CLTRN: variants seen among roughly 807,000 people sequenced by gnomAD.
CLTRN encodes the protein collectrin.
CLTRN carries 12 observed loss-of-function variants against 14.5 expected under a neutral mutation model. That is an observed-to-expected ratio of 0.83 (90% CI 0.53 to 1.34). The LOEUF (loss-of-function observed/expected upper bound fraction) is 1.34, where lower values mean the gene tolerates loss of function less well. Among genes scored for constraint, CLTRN ranks in the 40% most tolerant of loss-of-function variants. The pLI is 0.00. For missense variants in CLTRN, 154 were observed against 165.1 expected, an observed-to-expected ratio of 0.93 and a Z score of 0.37; for synonymous variants, 58 against 56.5, an observed-to-expected ratio of 1.03 and a Z score of -0.12.
chrX:15,646,801 C>T (rs745327779), intron 3 of CLTRN: 97 of 331,747 alleles, frequency 2.9e-4, no homozygotes, highest in South Asian at 2.5e-3. Flanking sequence ...GCCACCCCCC[C>T]ACCAGCCTGT....
intron 2 of CLTRN, among the ~76,000 whole-genome samples, chrX:15,659,344 C>T (rs999152056): frequency 1.8e-5 from 2 of 111,411 alleles, no homozygotes; most frequent in African/African-American, 6.6e-5. Context: ...TCCTAAGAAC[C>T]TGCAGCATCA....
rs1476520306 is a variant in CLTRN, at chrX:15,634,945, A to ATAAG, written c.512+4616_512+4617insCTTA. On this transcript the variant is annotated intron_variant, in intron 5 of 5. Coordinates refer to ENST00000380342, the MANE Select transcript of CLTRN (RefSeq NM_020665.6). ...ACTTAAATTATAATAATAATAAAAA[A>ATAAG]TAAATAAATAAATAAATAAATAAAA... Among the ~76,000 whole-genome samples the ATAAG allele has an allele frequency of 3.8e-5, 4 of 104,291 alleles. No homozygotes were observed. In the East Asian group the frequency reaches 1.2e-3, roughly 31 times the overall value. The allele number at this position is 104,291 out of a possible 115,157, so 90.6% of individuals were successfully genotyped here.
intron 3 of CLTRN, among the ~76,000 whole-genome samples, chrX:15,658,719 T>C (rs1480475286): frequency 1.9e-5 from 2 of 106,627 alleles, no homozygotes; most frequent in African/African-American, 6.9e-5. Flanking sequence ...ATTATATATA[T>C]ATATATATAT....
intron 3 of CLTRN, among the ~76,000 whole-genome samples, chrX:15,645,272 T>C (rs1251358856): frequency 2.7e-5 from 3 of 111,878 alleles, no homozygotes; most frequent in Non-Finnish European, 5.6e-5. Flanking sequence ...CAAAAAATAA[T>C]AATAGTCAGT....
At chrX:15,654,861 C>T (rs1038351893) in intron 3 of CLTRN, among the ~76,000 whole-genome samples, 1 of 112,116 alleles carries the variant, frequency 8.9e-6, no homozygotes, top group South Asian at 3.7e-4. Context: ...AATCCTGTGG[C>T]TCCAGCCACA....
chrX:15,645,736 G>A (rs999952425), intron 3 of CLTRN, among the ~76,000 whole-genome samples: 6 of 112,049 alleles, frequency 5.4e-5, no homozygotes, highest in Non-Finnish European at 1.1e-4. Context: ...AATGAAAATA[G>A]TGTTCAGAGA....
chrX:15,658,565 T>C (rs1422446597), intron 3 of CLTRN, among the ~76,000 whole-genome samples: 1 of 111,704 alleles, frequency 9.0e-6, no homozygotes, highest in Non-Finnish European at 1.9e-5. Context: ...AGACAAAAAA[T>C]ATAAAACTAT....
At chrX:15,639,404 AG>A (rs1395359266) in intron 5 of CLTRN, among the ~76,000 whole-genome samples, 157 bp downstream of exon 5, 1 of 112,378 alleles carries the variant, frequency 8.9e-6, no homozygotes, top group Non-Finnish European at 1.9e-5. Context: ...ATATATCTAA[AG>A]AAAAGAGCAT....
Position 15,639,627 on chromosome X carries a change from C to G in CLTRN, c.447G>C (p.Val149=). ...SVPIWIIIFG[V]IFCIIIVAIA... is the part of the protein sequence containing the mutation. ...TTGCAACTATGATGATGCAAAATAT[C>G]ACACCAAATATAATAATCCAGATGG... is the stretch of plus-strand genomic sequence containing the variant. Residue 149 remains valine (V), a synonymous_variant, in exon 5 of 6, where the codon GTG becomes GTC. Transcript: ENST00000380342. 2.5e-6 allele frequency: 3 copies of G among 1,210,391 alleles called. No individual in the cohort carries two copies. Among genetic ancestry groups the G allele is most frequent in the Non-Finnish European group, 3.4e-6 (3 of 894,680 alleles).
intron 5 of CLTRN, among the ~76,000 whole-genome samples, chrX:15,639,152 G>C (rs1928881815): frequency 8.9e-6 from 1 of 111,997 alleles, no homozygotes; most frequent in Admixed American, 9.5e-5. Flanking sequence ...ACTGGACTAA[G>C]AAGAGGTAAG....
At chrX:15,632,883 C>CAAA (rs758319942) in intron 5 of CLTRN, among the ~76,000 whole-genome samples, 33 of 43,636 alleles carry the variant, frequency 7.6e-4, no homozygotes, top group African/African-American at 2.0e-3. Context: ...GACTCTGTCT[C>CAAA]AAAAAAAAAA....
intron 3 of CLTRN, among the ~76,000 whole-genome samples, chrX:15,657,813 T>C (rs1929411004): frequency 8.9e-6 from 1 of 112,250 alleles, no homozygotes; most frequent in Non-Finnish European, 1.9e-5. Context: ...ATTATATACC[T>C]TCTTTTCATT....
At chrX:15,659,190 C>G (rs1297711445) in intron 2 of CLTRN, 89 bp from the exon 3 acceptor site, 1 of 390,773 alleles carries the variant, frequency 2.6e-6, no homozygotes, top group Non-Finnish European at 4.8e-6. Context: ...CTCTCTCTCT[C>G]TCCACACACA....
rs1160605541 is a variant in CLTRN at position 15,653,020 on chromosome X, G to A, written c.203+5996C>T. Among the ~76,000 whole-genome samples the A allele has an allele frequency of 2.7e-5, 3 of 111,610 alleles. No individual in the cohort carries two copies. The Admixed American group carries it at 2.8e-4, about 11-fold the overall frequency. Reference sequence around the variant, plus strand: ...TGCGTTAACCGAGGAGATGGAAGTTGCAGTGAGCCAAGATGGCGCCACTGC... The same window carrying A: ...TGCGTTAACCGAGGAGATGGAAGTTACAGTGAGCCAAGATGGCGCCACTGC... On this transcript the variant is annotated intron_variant, in intron 3 of 5. Transcript: ENST00000380342.
At chrX:15,655,442 C>T (rs891519562) in intron 3 of CLTRN, among the ~76,000 whole-genome samples, 5 of 111,636 alleles carry the variant, frequency 4.5e-5, no homozygotes, top group African/African-American at 1.6e-4. Flanking sequence ...ATTTCCTCCA[C>T]CTCGCCTCGG....
chrX:15,639,584 AT>A lies in CLTRN; in HGVS notation c.489del (p.Leu163PhefsTer27). ...IIIVAIALLI[L>X]SGIWQRRRKN... ...TACCTTCTACGTTGCCAGATCCCTGATAAAATCAGTAGTGCAATTGCAACTA... is the reference window on the plus strand; with the variant it reads ...TACCTTCTACGTTGCCAGATCCCTGAAAAATCAGTAGTGCAATTGCAACTA... On this transcript the variant is annotated frameshift_variant, in exon 5 of 6. Coordinates refer to ENST00000380342, the MANE Select transcript of CLTRN (RefSeq NM_020665.6). LOFTEE classifies it high-confidence loss of function. 2 of 1,208,508 alleles carry A rather than the reference AT, an allele frequency of 1.7e-6. No individual in the cohort carries two copies. The highest frequency in any genetic ancestry group is 4.4e-5 in the Admixed American group (2 of 45,530).
At chrX:15,655,462 C>T (rs779202816) in intron 3 of CLTRN, among the ~76,000 whole-genome samples, 34 of 112,030 alleles carry the variant, frequency 3.0e-4, no homozygotes, top group Non-Finnish European at 5.5e-4. Flanking sequence ...GCTCTGCCTC[C>T]GGGGTGTACA....
At chrX:15,664,582 C>A (rs1929580190) in intron 1 of CLTRN, 136 bp downstream of exon 1, 2 of 697,722 alleles carry the variant, frequency 2.9e-6, no homozygotes, top group African/African-American at 4.3e-5. Context: ...CTTTCAAACT[C>A]ATTAAACACT....
chrX:15,664,823 C>T (rs781446459), upstream of CLTRN: 21 of 1,058,979 alleles, frequency 2.0e-5, no homozygotes, highest in East Asian at 1.8e-4. Context: ...AAAAAATCCA[C>T]GCTGCACTTA....
Sources: allele counts gnomAD v4.1 joint callset (sites outside exome capture counted in the v4.1 genomes callset), GRCh38; gene constraint gnomAD v4.1.1; transcripts MANE v1.5; gene names NCBI Gene and HGNC (gene_info 2026-07-23, HGNC 2026-07-21).